Variants in SV2C observed in about 807,000 individuals in gnomAD.
The protein encoded by SV2C is solute carrier family 22 member B3.
Under a neutral mutation model 79.7 loss-of-function variants are expected in SV2C, and 49 were observed. The ratio of observed to expected loss-of-function variants is 0.61; its 90% CI spans 0.49 to 0.78. The LOEUF (loss-of-function observed/expected upper bound fraction) is 0.78. SV2C is among the 30% of genes least tolerant of loss of function. SV2C has a pLI of 0.00. For missense variants in SV2C, 833 were observed against 912.9 expected (o/e 0.91, Z 1.13); for synonymous variants, 334 against 333.2 (o/e 1.00, Z -0.03).
At chr5:76,315,614 T>G (rs1328958044) in intron 12 of SV2C, among the ~76,000 whole-genome samples, 1 of 152,128 alleles carries the variant, frequency 6.6e-6, no homozygotes, top group East Asian at 1.9e-4. Flanking sequence ...AACCAGCCCT[T>G]GGAGGGGAGT....
chr5:76,203,605 C>T (rs1462065523), intron 3 of SV2C, among the ~76,000 whole-genome samples: 1 of 152,194 alleles, frequency 6.6e-6, no homozygotes, highest in Non-Finnish European at 1.5e-5. Context: ...GCATAGACCT[C>T]CACAGTTTTA....
chr5:76,066,184 A>G, the SV2C span, among the ~76,000 whole-genome samples: 28,056 of 151,874 alleles, frequency 0.18, 3,238 homozygotes, highest in South Asian at 0.35. Flanking sequence ...AATAGCAAAG[A>G]CTTGGAACCA....
At chr5:76,351,927 C>T (rs900142847) in intron 12 of SV2C, among the ~76,000 whole-genome samples, 1 of 152,066 alleles carries the variant, frequency 6.6e-6, no homozygotes, top group Admixed American at 6.6e-5. Context: ...AAAAAAAAAT[C>T]GGCTGCTGGA....
the SV2C span, among the ~76,000 whole-genome samples, chr5:75,880,267 G>C: frequency 6.6e-6 from 1 of 151,852 alleles, no homozygotes; most frequent in East Asian, 1.9e-4. Flanking sequence ...GATACATTTG[G>C]ATTCTTTCCC....
intron 2 of SV2C, among the ~76,000 whole-genome samples, chr5:76,181,759 T>G (rs1743740615): frequency 6.6e-6 from 1 of 152,200 alleles, no homozygotes; most frequent in African/African-American, 2.4e-5. Flanking sequence ...GGGATTACAA[T>G]TCAACTTGAG....
rs142883862 is a variant in SV2C, at chr5:76,285,556, C to T, written c.1048-225C>T. The T allele has an allele frequency of 2.7e-4, 166 of 615,726 alleles. 1 individual carries two copies. Among genetic ancestry groups the T allele is most frequent in the African/African-American group, 2.0e-3 (109 of 54,366 alleles). The allele number at this position is 615,726 out of a possible 1,614,324, so 38.1% of individuals were successfully genotyped here. A position where few individuals can be genotyped will look rare whatever the true frequency, so the allele number is the denominator to read the frequency against. ...GAAAACATGATTTATTGTTTTATAG[C>T]GAAATTTTACCATCTGGAGATACTA... On this transcript the variant is annotated intron_variant, in intron 5 of 12. Transcript: ENST00000502798.
At chr5:75,900,991 C>CT in the SV2C span, among the ~76,000 whole-genome samples, 2 of 152,102 alleles carry the variant, frequency 1.3e-5, no homozygotes, top group Admixed American at 1.3e-4. Context: ...TTTGTCTAAA[C>CT]TTTTTTCAAA....
intron 1 of SV2C, among the ~76,000 whole-genome samples, chr5:76,116,195 G>C (rs1297208000): frequency 6.6e-6 from 1 of 152,134 alleles, no homozygotes; most frequent in Non-Finnish European, 1.5e-5. Context: ...TGTTCTATGG[G>C]ACAGAGCTGC....
intron 2 of SV2C, among the ~76,000 whole-genome samples, chr5:76,162,706 G>A (rs544111471): frequency 6.6e-6 from 1 of 152,296 alleles, no homozygotes; most frequent in East Asian, 1.9e-4. Flanking sequence ...CATTTCTGGA[G>A]ATTAACTGGC....
chr5:76,349,797 A>T (rs977585799), intron 12 of SV2C, among the ~76,000 whole-genome samples: 1 of 151,998 alleles, frequency 6.6e-6, no homozygotes, highest in African/African-American at 2.4e-5. Context: ...GGCCTCCCAA[A>T]GTGCTTGGGA....
chr5:75,997,432 A>G, the SV2C span, among the ~76,000 whole-genome samples: 2 of 151,692 alleles, frequency 1.3e-5, no homozygotes, highest in Non-Finnish European at 2.9e-5. Flanking sequence ...AATTTTTGCA[A>G]TCTACTCATC....
At chr5:75,967,940 C>T in the SV2C span, among the ~76,000 whole-genome samples, 1 of 152,182 alleles carries the variant, frequency 6.6e-6, no homozygotes, top group African/African-American at 2.4e-5. Context: ...CAGACTGAGA[C>T]CTCACACGGC....
upstream of SV2C, chr5:76,079,634 G>T: frequency 2.9e-6 from 1 of 345,854 alleles, no homozygotes. Flanking sequence ...CAATCTGACA[G>T]AAGCCCTGCC....
At chr5:76,076,116 T>C in the SV2C span, among the ~76,000 whole-genome samples, 1 of 152,216 alleles carries the variant, frequency 6.6e-6, no homozygotes, top group Admixed American at 6.5e-5. Context: ...AGCCCTGCTG[T>C]AAAATATGAA....
chr5:75,922,129 T>A, the SV2C span, among the ~76,000 whole-genome samples: 1 of 152,170 alleles, frequency 6.6e-6, no homozygotes, highest in Non-Finnish European at 1.5e-5. Context: ...TACTAACTTC[T>A]ATATTGTCCT....
At chr5:76,303,686 G>T (rs1230375354) in intron 12 of SV2C, among the ~76,000 whole-genome samples, 1 of 152,160 alleles carries the variant, frequency 6.6e-6, no homozygotes, top group African/African-American at 2.4e-5. Flanking sequence ...GGTCCTTCCT[G>T]TGAGAAGTAC....
At chr5:76,280,129 G>T (rs1274630621) in intron 4 of SV2C, among the ~76,000 whole-genome samples, 1 of 152,086 alleles carries the variant, frequency 6.6e-6, no homozygotes, top group East Asian at 1.9e-4. Context: ...GATTTGAAGA[G>T]AAATGGAAAA....
the SV2C span, among the ~76,000 whole-genome samples, chr5:76,073,545 A>ATATATATATG: frequency 7.6e-6 from 1 of 130,846 alleles, no homozygotes; most frequent in Non-Finnish European, 1.6e-5. Flanking sequence ...ATATATATAT[A>ATATATATATG]CACCATGGAA....
intron 12 of SV2C, among the ~76,000 whole-genome samples, chr5:76,351,072 G>T (rs538703802): frequency 6.6e-6 from 1 of 152,040 alleles, no homozygotes; most frequent in South Asian, 2.1e-4. Context: ...TGATGCATCT[G>T]CATCACTGGG....
Sources: allele counts gnomAD v4.1 joint callset (sites outside exome capture counted in the v4.1 genomes callset), GRCh38; gene constraint gnomAD v4.1.1; transcripts MANE v1.5; gene names NCBI Gene and HGNC (gene_info 2026-07-23, HGNC 2026-07-21).